TENM1: variants seen among roughly 807,000 people sequenced by gnomAD.
TENM1 encodes teneurin-1.
In TENM1, 35 loss-of-function variants were observed where a neutral mutation model predicts 174.8. That is an observed-to-expected ratio of 0.20 (90% CI 0.15 to 0.27). The LOEUF (loss-of-function observed/expected upper bound fraction) is 0.27. TENM1 is among the 10% of genes least tolerant of loss of function. TENM1 has a pLI of 1.00. For synonymous variants in TENM1, 781 were observed against 798.7 expected (o/e 0.98, Z 0.37); for missense variants, 1,633 against 2,130.1 (o/e 0.77, Z 4.59).
chrX:125,181,512 T>A, the TENM1 span, among the ~76,000 whole-genome samples: 1 of 112,125 alleles, frequency 8.9e-6, no homozygotes, highest in African/African-American at 3.2e-5. Flanking sequence ...AACACCTAGA[T>A]TGTCATGAAA....
At chrX:124,388,017 T>TGGCAGGG (rs1341014784) in intron 28 of TENM1, among the ~76,000 whole-genome samples, 1 of 112,257 alleles carries the variant, frequency 8.9e-6, no homozygotes, top group Non-Finnish European at 1.9e-5. Context: ...GGAAAGCAGG[T>TGGCAGGG]GGCAGGGGGC....
intron 21 of TENM1, among the ~76,000 whole-genome samples, chrX:124,486,956 C>T (rs1319085807): frequency 8.9e-6 from 1 of 111,873 alleles, no homozygotes; most frequent in Non-Finnish European, 1.9e-5. Flanking sequence ...CTTGCTTTCC[C>T]ATGAAGTACT....
chrX:125,102,817 C>A, the TENM1 span, among the ~76,000 whole-genome samples: 3 of 111,954 alleles, frequency 2.7e-5, no homozygotes, highest in Non-Finnish European at 5.6e-5. Context: ...AGGGCATTGC[C>A]TCTATTTCAG....
chrX:124,442,902 G>T (rs1284446574), intron 23 of TENM1, among the ~76,000 whole-genome samples: 1 of 110,596 alleles, frequency 9.0e-6, no homozygotes, highest in African/African-American at 3.3e-5. Context: ...AGGCTCAAGT[G>T]ATCTGCCCAC....
chrX:125,113,793 C>T, the TENM1 span, among the ~76,000 whole-genome samples: 1 of 110,971 alleles, frequency 9.0e-6, no homozygotes, highest in East Asian at 2.8e-4. Flanking sequence ...GAGACTTAGA[C>T]TCCCACACAA....
At chrX:124,699,611 T>C (rs930420282) in intron 5 of TENM1, among the ~76,000 whole-genome samples, 8 of 111,809 alleles carry the variant, frequency 7.2e-5, no homozygotes, top group African/African-American at 2.3e-4. Context: ...CAACAGGACC[T>C]AACTCTGATT....
At chrX:124,788,335 A>G (rs2055091947) in intron 3 of TENM1, among the ~76,000 whole-genome samples, 1 of 111,110 alleles carries the variant, frequency 9.0e-6, no homozygotes, top group Non-Finnish European at 1.9e-5. Context: ...ACAGAGCCAA[A>G]CCATACCATT....
chrX:124,389,299 G>A (rs1344434057), intron 28 of TENM1, among the ~76,000 whole-genome samples: 3 of 112,392 alleles, frequency 2.7e-5, no homozygotes, highest in Non-Finnish European at 5.6e-5. Flanking sequence ...CACAGGTATG[G>A]CAAGCGAATT....
At chrX:124,782,630 C>G (rs994210035) in intron 3 of TENM1, among the ~76,000 whole-genome samples, 1 of 110,566 alleles carries the variant, frequency 9.0e-6, no homozygotes, top group Non-Finnish European at 1.9e-5. Flanking sequence ...CTCATCATCT[C>G]TCATACATCT....
At chrX:124,892,002 G>C (rs1185599714) in intron 3 of TENM1, among the ~76,000 whole-genome samples, 1 of 111,653 alleles carries the variant, frequency 9.0e-6, no homozygotes, top group Non-Finnish European at 1.9e-5. Flanking sequence ...TGATTGTTAG[G>C]ATATAAAATA....
intron 1 of TENM1, among the ~76,000 whole-genome samples, chrX:124,899,906 T>A (rs181634600): frequency 5.7e-4 from 64 of 112,196 alleles, no homozygotes; most frequent in African/African-American, 2.0e-3. Context: ...ACAAGAAGTG[T>A]TGAGAAAGAA....
At chrX:124,815,740 C>G (rs940251681) in intron 3 of TENM1, among the ~76,000 whole-genome samples, 1 of 110,635 alleles carries the variant, frequency 9.0e-6, no homozygotes, top group African/African-American at 3.3e-5. Context: ...GAAAATAAAG[C>G]TGATTTAAAA....
intron 21 of TENM1, among the ~76,000 whole-genome samples, chrX:124,484,670 A>AC: frequency 9.4e-6 from 1 of 106,760 alleles, no homozygotes; most frequent in East Asian, 2.9e-4. Flanking sequence ...TCAATGAGGG[A>AC]TTTTTTTTTT....
At position 124,853,035 on chromosome X, in the gene TENM1, C is replaced by T. The variant is rs914746875; in HGVS notation, c.535+41261G>A. ...TTACATTTAATTTATTCAACAAATA[C>T]TCATTTTGTTCCTGCTATGTGTCAA... is the stretch of plus-strand genomic sequence containing the variant. On this transcript the variant is annotated intron_variant, in intron 3 of 31. Coordinates refer to ENST00000422452, the Ensembl canonical transcript of TENM1. 5.4e-5 allele frequency among the ~76,000 whole-genome samples: 6 copies of T among 111,918 alleles called. No homozygotes were observed. In the East Asian group the frequency reaches 1.1e-3, roughly 21 times the overall value.
chrX:124,810,955 A>T (rs1175729471), intron 3 of TENM1, among the ~76,000 whole-genome samples: 1 of 111,648 alleles, frequency 9.0e-6, no homozygotes, highest in Non-Finnish European at 1.9e-5. Context: ...GGAAAAGACA[A>T]TCTCTTCAAT....
At chrX:125,197,900 T>C in the TENM1 span, among the ~76,000 whole-genome samples, 1 of 112,079 alleles carries the variant, frequency 8.9e-6, no homozygotes, top group Non-Finnish European at 1.9e-5. Flanking sequence ...CTCTCAGTCG[T>C]AATACAGAAA....
In TENM1 at chrX:124,454,748, TACACTTTAAGA is replaced by T. The variant is rs1021456570; in HGVS notation, c.3950-1268_3950-1258del. On this transcript the variant is annotated intron_variant, in intron 22 of 31. Coordinates refer to ENST00000422452, the Ensembl canonical transcript of TENM1. The stretch of plus-strand genomic sequence containing the variant: ...AGTAATACATATAAAAAGTATCAGA[TACACTTTAAGA>T]ACATATGGCTCTACTCCTATTTCCC... 8.0e-5 allele frequency among the ~76,000 whole-genome samples: 9 copies of T among 112,150 alleles called. No individual in the cohort carries two copies. In the Admixed American group the frequency reaches 8.5e-4, roughly 11 times the overall value.
At chrX:124,582,581 C>T (rs148411777) in intron 11 of TENM1, among the ~76,000 whole-genome samples, 1,296 of 111,977 alleles carry the variant, frequency 0.012, 22 homozygotes, top group African/African-American at 0.039. Flanking sequence ...GGAACAGCTC[C>T]GGTCTACAGC....
exon 25 of TENM1, chrX:124,420,817 A>G: frequency 8.3e-7 from 1 of 1,205,771 alleles, no homozygotes; most frequent in South Asian, 1.8e-5. Context: ...CATAGCCACC[A>G]TCACCTGTGG....
Sources: gnomAD v4.1 joint callset for allele counts (sites outside exome capture counted in the v4.1 genomes callset) on GRCh38, gnomAD v4.1.1 for gene constraint, MANE v1.5 for transcripts, NCBI Gene and HGNC (gene_info 2026-07-23, HGNC 2026-07-21) for gene names.